MBTPS1: variants seen among roughly 807,000 people sequenced by gnomAD.
The protein encoded by MBTPS1 is membrane-bound transcription factor site-1 protease.
A neutral mutation model predicts 127.8 loss-of-function variants in MBTPS1; 94 were observed. The observed-to-expected ratio is 0.74, with a 90% CI of 0.62 to 0.87. MBTPS1 has a LOEUF of 0.87. Among genes scored for constraint, MBTPS1 ranks in the 40% least tolerant of loss-of-function variants. The pLI is 0.00. For missense variants in MBTPS1, 1,636 were observed against 1,353.2 expected, an observed-to-expected ratio of 1.21 and a Z score of -3.28; for synonymous variants, 632 against 509.4, an observed-to-expected ratio of 1.24 and a Z score of -3.24.
chr16:84,062,116 A>G (rs1445283517), intron 19 of MBTPS1, among the ~76,000 whole-genome samples: 1 of 151,960 alleles, frequency 6.6e-6, no homozygotes. Flanking sequence ...TTTAATTTTA[A>G]TTTTATTTTA....
intron 11 of MBTPS1, among the ~76,000 whole-genome samples, chr16:84,079,879 G>T (rs1164273590): frequency 3.9e-5 from 6 of 152,218 alleles, no homozygotes; most frequent in Non-Finnish European, 7.3e-5. Context: ...ACGTTGCCTA[G>T]CTCTGTCCGA....
At position 84,054,263 on chromosome 16, in the gene MBTPS1, G is replaced by A; in HGVS notation, c.*186C>T. On this transcript the variant is annotated 3_prime_UTR_variant, in exon 23 of 23. Coordinates refer to ENST00000343411, the MANE Select transcript of MBTPS1 (RefSeq NM_003791.4). ...AAGTCCCTCCTGACGGGATCCACAG[G>A]AATCTTCTCGATGTACCAGGAGCCT... The A allele has an allele frequency of 2.3e-6, 1 of 444,148 alleles. No individual in the cohort carries two copies. The highest frequency in any genetic ancestry group is 3.9e-6 in the Non-Finnish European group (1 of 255,354). The allele number at this position is 444,148 out of a possible 1,614,324, so 27.5% of individuals were successfully genotyped here. A position where few individuals can be genotyped will look rare whatever the true frequency, so the allele number is the denominator to read the frequency against.
chr16:84,063,072 G>T (rs1443258032), intron 19 of MBTPS1, among the ~76,000 whole-genome samples: 1 of 152,276 alleles, frequency 6.6e-6, no homozygotes. Context: ...AGATGGAGAA[G>T]AGGCATCATG....
intron 1 of MBTPS1, among the ~76,000 whole-genome samples, chr16:84,104,839 G>C (rs1311666807): frequency 6.6e-6 from 1 of 152,010 alleles, no homozygotes; most frequent in Non-Finnish European, 1.5e-5. Flanking sequence ...ACTTTAGGAG[G>C]CTGAGGCCGG....
chr16:84,088,392 A>G (rs562057278), intron 8 of MBTPS1, among the ~76,000 whole-genome samples: 1 of 152,036 alleles, frequency 6.6e-6, no homozygotes, highest in African/African-American at 2.4e-5. Flanking sequence ...CCAGCTGGTC[A>G]TTCAGAGGAA....
intron 1 of MBTPS1, among the ~76,000 whole-genome samples, chr16:84,115,443 G>A (rs1005841708): frequency 6.6e-6 from 1 of 152,144 alleles, no homozygotes; most frequent in African/African-American, 2.4e-5. Context: ...GCTGTCATCC[G>A]CATCACACAT....
intron 1 of MBTPS1, among the ~76,000 whole-genome samples, chr16:84,103,034 G>A (rs1029972275): frequency 1.3e-5 from 2 of 152,108 alleles, no homozygotes; most frequent in African/African-American, 4.8e-5. Context: ...ATTAAATTAA[G>A]CATGCGCACA....
intron 11 of MBTPS1, among the ~76,000 whole-genome samples, chr16:84,080,107 T>C (rs560547283): frequency 6.6e-6 from 1 of 152,086 alleles, no homozygotes; most frequent in East Asian, 1.9e-4. Context: ...ATAAGCCAAC[T>C]AGATGGAGCT....
intron 17 of MBTPS1, among the ~76,000 whole-genome samples, chr16:84,066,257 C>G (rs1185239320): frequency 1.3e-5 from 2 of 152,134 alleles, no homozygotes; most frequent in Non-Finnish European, 2.9e-5. Context: ...CATAAAGACT[C>G]TAATAGGTGG....
rs139125051 is a variant in MBTPS1 at position 84,067,887 on chromosome 16, G to A, written c.2072-64C>T. On this transcript the variant is annotated intron_variant, in intron 15 of 22. Coordinates refer to ENST00000343411, the MANE Select transcript of MBTPS1 (RefSeq NM_003791.4). ...TGAATGACAGGACACCACCACGGCA[G>A]AAACAGTGTCACCAGGTACATGTCT... The A allele has an allele frequency of 3.9e-5, 59 of 1,495,140 alleles. 2 individuals are homozygous for A. In the African/African-American group the frequency reaches 4.3e-4, roughly 11 times the overall value. 92.6% of individuals were successfully genotyped at this position (1,495,140 alleles called of 1,614,324 possible).
chr16:84,104,098 T>G (rs1269957199), intron 1 of MBTPS1, among the ~76,000 whole-genome samples: 1 of 152,192 alleles, frequency 6.6e-6, no homozygotes, highest in Non-Finnish European at 1.5e-5. Flanking sequence ...ACATGAAGCA[T>G]GTATCTAGCT....
chr16:84,082,111 T>G, intron 10 of MBTPS1: 1 of 386,460 alleles, frequency 2.6e-6, no homozygotes, highest in Non-Finnish European at 4.6e-6. Flanking sequence ...CTCCGCAACC[T>G]TCTACGGGAC....
At position 84,112,579 on chromosome 16, in the gene MBTPS1, G is replaced by A. The variant is rs545809699; in HGVS notation, c.-325+4156C>T. Among the ~76,000 whole-genome samples the A allele has an allele frequency of 9.1e-4, 137 of 150,152 alleles. 1 individual carries two copies. The highest frequency in any genetic ancestry group is 1.9e-4 in the Non-Finnish European group (13 of 67,698). Reference sequence around the variant, plus strand: ...CAGGAGGCTGAGACATGAGAATGGCGTGAATCTGGGAGGCGGAGCTTCCAG... The same window carrying A: ...CAGGAGGCTGAGACATGAGAATGGCATGAATCTGGGAGGCGGAGCTTCCAG... On this transcript the variant is annotated intron_variant, in intron 1 of 22. Coordinates refer to ENST00000343411, the MANE Select transcript of MBTPS1 (RefSeq NM_003791.4).
rs560171899 is a variant in MBTPS1, at chr16:84,098,719, C to T, written c.421+334G>A. Among the ~76,000 whole-genome samples, 4 of 152,212 alleles carry T rather than the reference C, an allele frequency of 2.6e-5. No homozygotes were observed. The East Asian group carries it at 5.8e-4, about 22-fold the overall frequency. ...GCGTCTTTCAGCACGAGAAGGCGGC[C>T]GCAGCCTTGAAGTCTGAAGGCTTTG... On this transcript the variant is annotated intron_variant, in intron 3 of 22. Coordinates refer to ENST00000343411, the MANE Select transcript of MBTPS1 (RefSeq NM_003791.4).
chr16:84,091,754 A>G lies in MBTPS1; in HGVS notation c.941T>C (p.Met314Thr), dbSNP rs2151162822. 4.3e-6 allele frequency: 7 copies of G among 1,613,904 alleles called. No individual in the cohort carries two copies. Among genetic ancestry groups the G allele is most frequent in the South Asian group, 1.1e-5 (1 of 91,088 alleles). ...LNLSIGGPDF[M>T]DHPFVDKVWE... ...AACCTTGTCAACAAACGGATGATCC[A>G]TGAAGTCCGGGCCGCCGATGCTGAG... Residue 314 changes from methionine (M) to threonine (T), a missense_variant, in exon 7 of 23, where the codon ATG (methionine) becomes ACG (threonine). By Grantham distance (81) the Met-to-Thr change is moderately conservative. Transcript: ENST00000343411.
At chr16:84,070,561 A>G (rs772526704) in intron 13 of MBTPS1, 27 bp downstream of exon 13, 6 of 1,606,934 alleles carry the variant, frequency 3.7e-6, no homozygotes, top group Admixed American at 3.4e-5. Context: ...AGCTAAGAAA[A>G]CAAGCCACTT....
intron 9 of MBTPS1, among the ~76,000 whole-genome samples, chr16:84,086,750 G>A (rs1468444049): frequency 6.6e-6 from 1 of 152,168 alleles, no homozygotes; most frequent in African/African-American, 2.4e-5. Flanking sequence ...CTCGGCCACA[G>A]CGAGGGCAAA....
In MBTPS1 at chr16:84,056,075, G is replaced by A. The variant is rs142059464; in HGVS notation, c.2892C>T (p.Asn964=). 3 of 1,614,036 alleles carry A rather than the reference G, an allele frequency of 1.9e-6. No homozygotes were observed. The highest frequency in any genetic ancestry group is 1.3e-5 in the African/African-American group (1 of 74,948). ...TCACTTGAGGGCGATTCGATCGAAA[G>A]TTGGGTAACACCACCTTGTCCAGGT... ...SIDLDKVVLP[N]FRSNRPQVRP... Residue 964 remains asparagine (N), a synonymous_variant, in exon 22 of 23, where the codon AAC becomes AAT. Transcript: ENST00000343411.
chr16:84,112,455 C>T (rs573541399), intron 1 of MBTPS1, among the ~76,000 whole-genome samples: 382 of 151,810 alleles, frequency 2.5e-3, no homozygotes, highest in South Asian at 2.9e-3. Flanking sequence ...GTCAGGAGAT[C>T]GAGACCATCC....
Sources: allele counts gnomAD v4.1 joint callset (sites outside exome capture counted in the v4.1 genomes callset), GRCh38; gene constraint gnomAD v4.1.1; transcripts MANE v1.5; gene names NCBI Gene and HGNC (gene_info 2026-07-23, HGNC 2026-07-21).